The following SLCO1C1 variants were observed in gnomAD, a reference collection of about 807,000 sequenced individuals.
SLCO1C1 encodes the protein OAT-RP-5.
In SLCO1C1, 70 loss-of-function variants were observed where a neutral mutation model predicts 76.4. The observed-to-expected ratio is 0.92, with a 90% CI of 0.76 to 1.12. The LOEUF (loss-of-function observed/expected upper bound fraction) is 1.12. Among genes scored for constraint, SLCO1C1 ranks in the 50% most tolerant of loss-of-function variants. The probability of loss-of-function intolerance (pLI) is 0.00; values close to 1 mark genes in which losing one functional copy is unlikely to be tolerated. For synonymous variants in SLCO1C1, 306 were observed against 286.1 expected, an observed-to-expected ratio of 1.07 and a Z score of -0.70; for missense variants, 912 against 823.8, an observed-to-expected ratio of 1.11 and a Z score of -1.31.
At position 20,752,451 on chromosome 12, in the gene SLCO1C1, T is replaced by A. The variant is rs1331220805; in HGVS notation, c.2062T>A (p.Phe688Ile). The A allele has an allele frequency of 6.2e-7, 1 of 1,613,390 alleles. No individual in the cohort carries two copies. Among genetic ancestry groups the A allele is most frequent in the Admixed American group, 1.7e-5 (1 of 59,972 alleles). ...AGAAAGAACAATGGTGTCTACAAGA[T>A]TCCAAAAGGAAAATTACACTACAAG... is the stretch of plus-strand genomic sequence containing the variant. ...KRERTMVSTR[F>I]QKENYTTSDH... Residue 688 changes from phenylalanine to isoleucine, a missense_variant, in exon 15 of 15, where the codon TTC becomes ATC. By Grantham distance (21) the Phe-to-Ile change is conservative. Transcript: ENST00000266509.
At chr12:20,717,951 T>C (rs1947466748) in intron 7 of SLCO1C1, among the ~76,000 whole-genome samples, 1 of 152,076 alleles carries the variant, frequency 6.6e-6, no homozygotes, top group Admixed American at 6.5e-5. Context: ...TGGAATTGCA[T>C]TTTGAAGTCC....
intron 12 of SLCO1C1, 80 bp downstream of exon 12, chr12:20,740,448 A>AAATAT: frequency 7.7e-7 from 1 of 1,290,660 alleles, no homozygotes; most frequent in Non-Finnish European, 1.1e-6. Flanking sequence ...TTTTCTGTGG[A>AAATAT]GTCTATGATT....
intron 5 of SLCO1C1, among the ~76,000 whole-genome samples, chr12:20,711,866 A>G (rs1947124616): frequency 6.6e-6 from 1 of 152,206 alleles, no homozygotes; most frequent in African/African-American, 2.4e-5. Flanking sequence ...CCGTAAGTCA[A>G]CTTAATTTCT....
chr12:20,751,208 T>C (rs1434830583), intron 14 of SLCO1C1, among the ~76,000 whole-genome samples: 2 of 152,036 alleles, frequency 1.3e-5, no homozygotes, highest in East Asian at 3.9e-4. Context: ...TGGGCAAGAG[T>C]TGGATTTGGC....
chr12:20,700,593 C>T (rs970553853), intron 2 of SLCO1C1, among the ~76,000 whole-genome samples: 1 of 151,732 alleles, frequency 6.6e-6, no homozygotes, highest in East Asian at 1.9e-4. Flanking sequence ...TGCTGTCCCT[C>T]CCCGCTCCCC....
chr12:20,732,940 A>G lies in SLCO1C1; in HGVS notation c.1218A>G (p.Gly406=), dbSNP rs1431964539. 1 of 1,613,960 alleles carries G rather than the reference A, an allele frequency of 6.2e-7. No individual in the cohort carries two copies. Among genetic ancestry groups the G allele is most frequent in the South Asian group, 1.1e-5 (1 of 91,076 alleles). ...TCAACATTCCAGCAGTGGCCCTTGG[A>G]ATATTCTCTGGGGGGATAGTTATGA... The part of the protein sequence containing the change: ...GLINIPAVAL[G]IFSGGIVMKK... Residue 406 remains glycine (G), a synonymous_variant, in exon 10 of 15, where the codon GGA becomes GGG. Coordinates refer to ENST00000266509, the MANE Select transcript of SLCO1C1 (RefSeq NM_017435.5).
chr12:20,734,357 A>G (rs1199193176), intron 10 of SLCO1C1, among the ~76,000 whole-genome samples: 1 of 152,200 alleles, frequency 6.6e-6, no homozygotes, highest in Admixed American at 6.5e-5. Context: ...CCTTAGTGAA[A>G]GTCAGTGATA....
Position 20,721,828 on chromosome 12 carries a change from A to G in SLCO1C1, c.800A>G (p.Asp267Gly), listed in dbSNP as rs1382490099. The change falls in exon 8 of 15, where the codon GAT (aspartate) becomes GGT (glycine). Residue 267 changes from aspartate (D) to glycine (G), a missense_variant. By Grantham distance (94) the Asp-to-Gly change is moderately conservative. Coordinates refer to ENST00000266509, the MANE Select transcript of SLCO1C1 (RefSeq NM_017435.5). ...NLDHITITPK[D>G]PQWVGAWWLG... ...GATCACATAACCATTACCCCAAAAG[A>G]TCCCCAGTGGGTAGGAGCCTGGTGG... is the stretch of plus-strand genomic sequence containing the variant. 1.9e-6 allele frequency: 3 copies of G among 1,614,010 alleles called. No individual in the cohort carries two copies. Among genetic ancestry groups the G allele is most frequent in the Admixed American group, 3.3e-5 (2 of 59,990 alleles).
rs1384189479 is a variant in SLCO1C1 at position 20,706,158 on chromosome 12, T to C, written c.404+77T>C. 1.2e-5 allele frequency: 18 copies of C among 1,490,124 alleles called. No homozygotes were observed. The African/African-American group carries it at 2.3e-4, about 19-fold the overall frequency. The allele number at this position is 1,490,124 out of a possible 1,614,324, so 92.3% of individuals were successfully genotyped here. A position where few individuals can be genotyped will look rare whatever the true frequency, so the allele number is the denominator to read the frequency against. On this transcript the variant is annotated intron_variant, in intron 4 of 14. Coordinates refer to ENST00000266509, the MANE Select transcript of SLCO1C1 (RefSeq NM_017435.5). ...TCCCTTTTATGATGATTATTAATTA[T>C]GCAAATTTAAGCTTAACCCATGATA...
At chr12:20,724,435 A>G (rs1269040951) in intron 9 of SLCO1C1, among the ~76,000 whole-genome samples, 1 of 128,842 alleles carries the variant, frequency 7.8e-6, no homozygotes, top group Non-Finnish European at 1.7e-5. Flanking sequence ...ATATATATAT[A>G]TATATATATA....
rs529639097 is a variant in SLCO1C1 at position 20,703,115 on chromosome 12, C to A, written c.271+1656C>A. Among the ~76,000 whole-genome samples, 3 of 151,938 alleles carry A rather than the reference C, an allele frequency of 2.0e-5. No individual in the cohort carries two copies. The South Asian group carries it at 6.2e-4, about 32-fold the overall frequency. ...AAAGTTCTCTTACTTCCATTGAAAA[C>A]CTTTATCCCAAACATCACAGGTTTG... On this transcript the variant is annotated intron_variant, in intron 3 of 14. Coordinates refer to ENST00000266509, the MANE Select transcript of SLCO1C1 (RefSeq NM_017435.5).
At position 20,740,196 on chromosome 12, in the gene SLCO1C1, T is replaced by C. The variant is rs1411541632; in HGVS notation, c.1561T>C (p.Cys521Arg). The change falls in exon 12 of 15, where the codon TGC becomes CGC. Residue 521 changes from cysteine to arginine, a missense_variant. Coordinates refer to ENST00000266509, the MANE Select transcript of SLCO1C1 (RefSeq NM_017435.5). The part of the protein sequence containing the change: ...RSGKNIIFYN[C>R]TCVGIAASKS... Reference sequence around the variant, plus strand: ...TATCGTGTTACAGATATTTTACAACTGCACTTGTGTGGGAATTGCAGCTTC... The same window carrying C: ...TATCGTGTTACAGATATTTTACAACCGCACTTGTGTGGGAATTGCAGCTTC... 6.2e-7 allele frequency: 1 copy of C among 1,611,084 alleles called. No individual in the cohort carries two copies. Among genetic ancestry groups the C allele is most frequent in the South Asian group, 1.1e-5 (1 of 90,276 alleles).
chr12:20,744,478 GA>G (rs1235492632), intron 13 of SLCO1C1, among the ~76,000 whole-genome samples: 9 of 151,798 alleles, frequency 5.9e-5, no homozygotes, highest in African/African-American at 2.2e-4. Context: ...GTTTTGAGAA[GA>G]AAAAAACAAG....
At chr12:20,732,842 GTTTGTGT>G (rs1948353502) in intron 9 of SLCO1C1, 60 bp from the exon 10 acceptor site, 1 of 1,524,616 alleles carries the variant, frequency 6.6e-7, no homozygotes, top group Non-Finnish European at 9.0e-7. Context: ...TCTTTAGAAA[GTTTGTGT>G]TAGTACACTC....
chr12:20,708,591 C>T (rs78959966), intron 4 of SLCO1C1, among the ~76,000 whole-genome samples: 3,607 of 152,076 alleles, frequency 0.024, 74 homozygotes, highest in Non-Finnish European at 0.036. Flanking sequence ...GTAAAGAGGA[C>T]AGTCATGTGG....
chr12:20,745,480 C>G (rs943011067), intron 13 of SLCO1C1, among the ~76,000 whole-genome samples: 1 of 151,902 alleles, frequency 6.6e-6, no homozygotes, highest in Non-Finnish European at 1.5e-5. Context: ...GTTAATATTA[C>G]TTGGAATTAA....
At position 20,752,999 on chromosome 12, in the gene SLCO1C1, A is replaced by C. The variant is rs1467168992; in HGVS notation, c.*471A>C. 1 of 152,190 alleles carries C rather than the reference A, an allele frequency of 6.6e-6. No homozygotes were observed. The highest frequency in any genetic ancestry group is 1.5e-5 in the Non-Finnish European group (1 of 68,064). 9.4% of individuals were successfully genotyped at this position (152,190 alleles called of 1,614,324 possible). On this transcript the variant is annotated 3_prime_UTR_variant, in exon 15 of 15. Coordinates refer to ENST00000266509, the MANE Select transcript of SLCO1C1 (RefSeq NM_017435.5). ...TCTTCATCTGTGTATTTTAATAATG[A>C]TCTTAGGATGGAGCAGAACATGGAG...
chr12:20,735,288 T>A (rs973368524), intron 10 of SLCO1C1, among the ~76,000 whole-genome samples: 1 of 152,308 alleles, frequency 6.6e-6, no homozygotes, highest in South Asian at 2.1e-4. Flanking sequence ...ACAACTCTGA[T>A]GTGGACATAA....
intron 5 of SLCO1C1, among the ~76,000 whole-genome samples, chr12:20,712,217 A>G (rs575723459): frequency 6.6e-6 from 1 of 152,340 alleles, no homozygotes; most frequent in African/African-American, 2.4e-5. Context: ...GAATTTTATC[A>G]AAGTGTCTAG....
Sources: allele counts gnomAD v4.1 joint callset (sites outside exome capture counted in the v4.1 genomes callset), GRCh38; gene constraint gnomAD v4.1.1; transcripts MANE v1.5; gene names NCBI Gene and HGNC (gene_info 2026-07-23, HGNC 2026-07-21).